SLC4A5: variants seen among roughly 807,000 people sequenced by gnomAD.
SLC4A5 encodes the protein electrogenic sodium bicarbonate cotransporter 4.
SLC4A5 carries 96 observed loss-of-function variants against 120.4 expected under a neutral mutation model. The ratio of observed to expected loss-of-function variants is 0.80; its 90% CI spans 0.68 to 0.94. SLC4A5 has a LOEUF of 0.94. Ranked by LOEUF, SLC4A5 falls within the 40% of genes least tolerant of loss-of-function variation. The pLI is 0.00. For synonymous variants in SLC4A5, 550 were observed against 571.1 expected, an observed-to-expected ratio of 0.96 and a Z score of 0.53; for missense variants, 1,259 against 1,459.5, an observed-to-expected ratio of 0.86 and a Z score of 2.24.
At chr2:74,283,906 T>C (rs567447537) in intron 8 of SLC4A5, among the ~76,000 whole-genome samples, 5 of 151,446 alleles carry the variant, frequency 3.3e-5, no homozygotes, top group Admixed American at 6.6e-5. Flanking sequence ...GGCACAATCA[T>C]GGCTCACTGC....
chr2:74,249,652 G>A (rs1670729713), intron 17 of SLC4A5, among the ~76,000 whole-genome samples: 1 of 152,182 alleles, frequency 6.6e-6, no homozygotes, highest in Non-Finnish European at 1.5e-5. Context: ...TGCTGTGCTG[G>A]GGAAGGGCAG....
At chr2:74,267,941 C>T (rs1382208918) in intron 8 of SLC4A5, among the ~76,000 whole-genome samples, 1 of 151,318 alleles carries the variant, frequency 6.6e-6, no homozygotes, top group African/African-American at 2.4e-5. Context: ...GCCGAGATGG[C>T]ACCACTGCAC....
intron 7 of SLC4A5, among the ~76,000 whole-genome samples, chr2:74,297,829 G>C (rs1672377292): frequency 6.6e-6 from 1 of 152,136 alleles, no homozygotes; most frequent in Non-Finnish European, 1.5e-5. Flanking sequence ...GAGGGAGAGA[G>C]AGAAAATAAA....
chr2:74,224,635 C>T (rs12053233), intron 28 of SLC4A5, among the ~76,000 whole-genome samples: 38,634 of 151,882 alleles, frequency 0.25, 6,122 homozygotes, highest in Middle Eastern at 0.4. Context: ...GTCTCATTCA[C>T]TCTGGCCCAC....
At chr2:74,324,082 A>C (rs752209640) in intron 5 of SLC4A5, among the ~76,000 whole-genome samples, 13 of 150,188 alleles carry the variant, frequency 8.7e-5, no homozygotes, top group Non-Finnish European at 1.6e-4. Context: ...TAAAGTAAAT[A>C]ATTTAATATG....
intron 29 of SLC4A5, among the ~76,000 whole-genome samples, chr2:74,221,844 G>A (rs1694660713): frequency 6.6e-6 from 1 of 152,130 alleles, no homozygotes; most frequent in Non-Finnish European, 1.5e-5. Flanking sequence ...TTTGAGGGTG[G>A]CAAGCCCTGT....
exon 27 of SLC4A5, chr2:74,227,117 C>A: frequency 6.2e-7 from 1 of 1,611,994 alleles, no homozygotes; most frequent in Non-Finnish European, 8.5e-7. Context: ...GAAGAGCTTG[C>A]AGCGTTCCCA....
exon 25 of SLC4A5, chr2:74,231,248 A>G: frequency 6.2e-7 from 1 of 1,611,490 alleles, no homozygotes; most frequent in Non-Finnish European, 8.5e-7. Flanking sequence ...TTAGGATGGG[A>G]GCCAGGAAGA....
chr2:74,224,874 C>G lies in SLC4A5; in HGVS notation c.3212G>C (p.Arg1071Thr). The G allele has an allele frequency of 1.9e-6, 3 of 1,612,810 alleles. No homozygotes were observed. In the South Asian group the frequency reaches 3.3e-5, roughly 18 times the overall value. The change falls in exon 28 of 31, where the codon AGA becomes ACA. Residue 1071 changes from arginine (R) to threonine (T), a missense_variant. Coordinates refer to ENST00000394019, the Ensembl canonical transcript of SLC4A5. ...ACAGTCCTCGTGGGCCCCTTTTTTT[C>G]TCTTCCTCTTCTTGTCTGTCTCCTT... is the stretch of plus-strand genomic sequence containing the variant.
At chr2:74,289,305 T>A (rs1436973230) in intron 7 of SLC4A5, among the ~76,000 whole-genome samples, 4 of 151,470 alleles carry the variant, frequency 2.6e-5, no homozygotes, top group African/African-American at 4.9e-5. Context: ...AATTTTAAAT[T>A]TCTCAATTTT....
intron 8 of SLC4A5, among the ~76,000 whole-genome samples, chr2:74,266,909 G>A (rs966854965): frequency 3.3e-5 from 5 of 152,116 alleles, no homozygotes; most frequent in Admixed American, 2.0e-4. Flanking sequence ...GTAATGTACT[G>A]AGAAAAATAT....
At position 74,255,702 on chromosome 2, in the gene SLC4A5, A is replaced by AGCACTGCTTGCTGACT. The variant is rs1670941700; in HGVS notation, c.1025+57_1025+72dup. On this transcript the variant is annotated intron_variant, in intron 13 of 30. Transcript: ENST00000394019. The surrounding 1 kb of genome is among the most constrained non-coding windows in gnomAD (Gnocchi z 4.0). ...GCCTTTGAGAACACTAACAGTCAAC[A>AGCACTGCTTGCTGACT]GCACTGCTTGCTGACTGCACTGCTG... 1 of 1,571,622 alleles carries AGCACTGCTTGCTGACT rather than the reference A, an allele frequency of 6.4e-7. No individual in the cohort carries two copies. Among genetic ancestry groups the AGCACTGCTTGCTGACT allele is most frequent in the East Asian group, 2.3e-5 (1 of 44,310 alleles).
rs746702970 is a variant in SLC4A5 at position 74,242,059 on chromosome 2, A to T, written c.2060-7T>A. The T allele has an allele frequency of 3.7e-6, 6 of 1,603,206 alleles. No individual in the cohort carries two copies. In the South Asian group the frequency reaches 5.5e-5, roughly 15 times the overall value. ...TTGAACACGGTTGTATTCACTGTGG[A>T]TGAGCACATGACACGGGGCAGGGTC... On this transcript the variant is annotated splice_polypyrimidine_tract_variant and splice_region_variant and intron_variant, in intron 19 of 30. Coordinates refer to ENST00000394019, the Ensembl canonical transcript of SLC4A5.
intron 5 of SLC4A5, among the ~76,000 whole-genome samples, chr2:74,322,902 G>T (rs1015369084): frequency 1.4e-4 from 21 of 152,228 alleles, no homozygotes; most frequent in African/African-American, 5.1e-4. Flanking sequence ...TCAATGAATA[G>T]AAATCAGACT....
rs138248332 is a variant in SLC4A5 at position 74,335,840 on chromosome 2, T to C, written c.-220-1663A>G. Among the ~76,000 whole-genome samples the C allele has an allele frequency of 2.0e-4, 30 of 152,296 alleles. No individual in the cohort carries two copies. The East Asian group carries it at 5.6e-3, about 28-fold the overall frequency. The stretch of plus-strand genomic sequence containing the variant: ...AGAAACACATAATAAGACATCATAT[T>C]TCTGGATGGGAAAACTGAATAGGGC... On this transcript the variant is annotated intron_variant, in intron 3 of 30. Transcript: ENST00000394019.
intron 7 of SLC4A5, among the ~76,000 whole-genome samples, chr2:74,302,999 C>T (rs1304794744): frequency 2.6e-5 from 4 of 151,276 alleles, no homozygotes; most frequent in South Asian, 4.2e-4. Flanking sequence ...CTCTGATGTT[C>T]CCACTCCTGA....
At chr2:74,331,833 G>A (rs1212340431) in intron 4 of SLC4A5, among the ~76,000 whole-genome samples, 3 of 152,092 alleles carry the variant, frequency 2.0e-5, no homozygotes, top group Non-Finnish European at 4.4e-5. Context: ...TGAGTGGTTC[G>A]TGTGCTTGGA....
At chr2:74,326,981 T>C (rs1673232204) in intron 5 of SLC4A5, among the ~76,000 whole-genome samples, 1 of 152,148 alleles carries the variant, frequency 6.6e-6, no homozygotes, top group African/African-American at 2.4e-5. Context: ...TGTGATAGAA[T>C]CATCTGGTGT....
intron 8 of SLC4A5, among the ~76,000 whole-genome samples, chr2:74,276,591 C>T (rs1235625881): frequency 2.0e-5 from 3 of 148,180 alleles, no homozygotes; most frequent in African/African-American, 7.7e-5. Flanking sequence ...TCATAGGCAA[C>T]TTGAAGAATT....
Sources: allele counts gnomAD v4.1 joint callset (sites outside exome capture counted in the v4.1 genomes callset), GRCh38; gene constraint gnomAD v4.1.1; non-coding constraint Gnocchi (gnomAD v3.1); transcripts MANE v1.5; gene names NCBI Gene and HGNC (gene_info 2026-07-23, HGNC 2026-07-21).